The following SENP7 variants were observed in gnomAD, a reference collection of about 807,000 sequenced individuals.
SENP7 encodes sentrin-specific protease 7.
Under a neutral mutation model 141.2 loss-of-function variants are expected in SENP7, and 64 were observed. The ratio of observed to expected loss-of-function variants is 0.45; its 90% CI spans 0.37 to 0.56. The LOEUF (loss-of-function observed/expected upper bound fraction) is 0.56. Among genes scored for constraint, SENP7 ranks in the 20% least tolerant of loss-of-function variants. The pLI, the probability that SENP7 is intolerant of heterozygous loss-of-function variation, is 0.00. For missense variants in SENP7, 1,025 were observed against 1,212.2 expected (o/e 0.85, Z 2.29); for synonymous variants, 382 against 426.4 (o/e 0.90, Z 1.28).
At chr3:101,363,746 C>G (rs1208806208) in intron 10 of SENP7, among the ~76,000 whole-genome samples, 1 of 152,128 alleles carries the variant, frequency 6.6e-6, no homozygotes, top group Admixed American at 6.6e-5. Flanking sequence ...AAAGAAAATA[C>G]CCATGAAACA....
intron 3 of SENP7, among the ~76,000 whole-genome samples, chr3:101,467,378 C>T (rs1027395375): frequency 3.9e-5 from 6 of 152,272 alleles, no homozygotes; most frequent in African/African-American, 1.4e-4. Flanking sequence ...AGACTGCCTC[C>T]TCAAGTGGGT....
At chr3:101,481,940 T>C (rs1460793775) in intron 3 of SENP7, among the ~76,000 whole-genome samples, 5 of 152,108 alleles carry the variant, frequency 3.3e-5, no homozygotes, top group East Asian at 1.9e-4. Context: ...CAAAAGTCAA[T>C]CACCTTCCTA....
intron 12 of SENP7, among the ~76,000 whole-genome samples, chr3:101,350,059 G>A (rs561031705): frequency 1.3e-5 from 2 of 152,064 alleles, no homozygotes; most frequent in African/African-American, 2.4e-5. Context: ...CTCTGTTTAC[G>A]GTTTCCCCTT....
At chr3:101,408,946 A>T (rs1240565627) in intron 5 of SENP7, among the ~76,000 whole-genome samples, 1 of 152,160 alleles carries the variant, frequency 6.6e-6, no homozygotes, top group Non-Finnish European at 1.5e-5. Flanking sequence ...ATCACACAAG[A>T]GAAAAAATAA....
chr3:101,340,307 T>C, intron 15 of SENP7, 96 bp from the exon 16 acceptor site: 1 of 1,397,966 alleles, frequency 7.2e-7, no homozygotes, highest in Non-Finnish European at 9.5e-7. Flanking sequence ...AGTGGTATTC[T>C]GTAACTCAAA....
rs189416332 is a variant in SENP7 at position 101,428,897 on chromosome 3, T to C, written c.285-11107A>G. Among the ~76,000 whole-genome samples the C allele has an allele frequency of 8.5e-5, 13 of 152,264 alleles. No individual in the cohort carries two copies. The East Asian group carries it at 2.5e-3, about 29-fold the overall frequency. On this transcript the variant is annotated intron_variant, in intron 4 of 23. Coordinates refer to ENST00000394095, the MANE Select transcript of SENP7 (RefSeq NM_020654.5). ...AGGTCTAAGGAAGGAGTCATTTCAG[T>C]TTCCTGCATATGGCTAGCCAGTTTA...
At chr3:101,352,053 T>C (rs1282101678) in intron 11 of SENP7, among the ~76,000 whole-genome samples, 1 of 151,918 alleles carries the variant, frequency 6.6e-6, no homozygotes, top group East Asian at 1.9e-4. Context: ...TGACGATGAT[T>C]CCCTTGGTGA....
rs140007331 is a variant in SENP7 at position 101,506,430 on chromosome 3, T to A, written c.41-5311A>T. ...TGAAATCAATAATGTATAATCTCCA[T>A]CTTATAGATTAAGAAATTAAGATTT... On this transcript the variant is annotated intron_variant, in intron 1 of 23. Transcript: ENST00000394095. 3.5e-3 allele frequency among the ~76,000 whole-genome samples: 526 copies of A among 152,354 alleles called. 3 individuals carry two copies. Among genetic ancestry groups the A allele is most frequent in the Middle Eastern group, 0.017 (5 of 294 alleles).
At chr3:101,485,153 C>A (rs1034099992) in intron 3 of SENP7, among the ~76,000 whole-genome samples, 1 of 152,074 alleles carries the variant, frequency 6.6e-6, no homozygotes, top group Non-Finnish European at 1.5e-5. Context: ...CCACCTCCAC[C>A]TGATGGTCCT....
At chr3:101,440,581 T>TA (rs58673443) in intron 4 of SENP7, among the ~76,000 whole-genome samples, 12,533 of 124,822 alleles carry the variant, frequency 0.1, 1,100 homozygotes, top group African/African-American at 0.25. Flanking sequence ...AAAAATAAAT[T>TA]AAAAAAAAAA....
At chr3:101,473,909 A>G (rs1004748390) in intron 3 of SENP7, among the ~76,000 whole-genome samples, 1 of 152,182 alleles carries the variant, frequency 6.6e-6, no homozygotes, top group Non-Finnish European at 1.5e-5. Context: ...TAATTTTTGT[A>G]TATGGGCTAA....
chr3:101,501,991 CAT>C (rs1377651199), intron 1 of SENP7, among the ~76,000 whole-genome samples: 46 of 152,104 alleles, frequency 3.0e-4, no homozygotes, highest in African/African-American at 1.1e-3. Flanking sequence ...TGAAATGAAT[CAT>C]AGATTGAAAT....
At chr3:101,421,527 T>C (rs2061791027) in intron 4 of SENP7, among the ~76,000 whole-genome samples, 1 of 152,216 alleles carries the variant, frequency 6.6e-6, no homozygotes, top group East Asian at 1.9e-4. Context: ...TATGAGACTA[T>C]TCAATGTTGG....
Position 101,337,495 on chromosome 3 carries a change from G to T in SENP7, c.2480+14C>A. ...TTTCTCTTAAAACTTAAGTACATTA[G>T]AGGATTAACTTACGAAAGATTTGGA... On this transcript the variant is annotated intron_variant, in intron 17 of 23. Coordinates refer to ENST00000394095, the MANE Select transcript of SENP7 (RefSeq NM_020654.5). The T allele has an allele frequency of 6.7e-7, 1 of 1,489,074 alleles. No individual in the cohort carries two copies. Among genetic ancestry groups the T allele is most frequent in the South Asian group, 1.2e-5 (1 of 83,340 alleles). The allele number at this position is 1,489,074 out of a possible 1,614,324, so 92.2% of individuals were successfully genotyped here.
chr3:101,408,862 G>A (rs1480907069), intron 5 of SENP7, among the ~76,000 whole-genome samples: 2 of 152,068 alleles, frequency 1.3e-5, no homozygotes, highest in Non-Finnish European at 2.9e-5. Context: ...TTCCCTCTGA[G>A]AACTGGAACA....
intron 3 of SENP7, among the ~76,000 whole-genome samples, chr3:101,467,104 A>T (rs2063786645): frequency 6.6e-6 from 1 of 152,204 alleles, no homozygotes; most frequent in Non-Finnish European, 1.5e-5. Flanking sequence ...CTGAGATCAA[A>T]CTGCAAGACG....
intron 3 of SENP7, among the ~76,000 whole-genome samples, chr3:101,463,380 T>TACATATATATATATATAC: frequency 1.4e-5 from 1 of 72,128 alleles, no homozygotes; most frequent in South Asian, 4.6e-4. Flanking sequence ...TATATATATA[T>TACATATATATATATATAC]ATATATATAT....
At chr3:101,418,410 T>G (rs181442312) in intron 4 of SENP7, among the ~76,000 whole-genome samples, 10 of 152,290 alleles carry the variant, frequency 6.6e-5, no homozygotes, top group Admixed American at 6.5e-4. Flanking sequence ...AATACATCTT[T>G]ATGCTGAATA....
intron 3 of SENP7, among the ~76,000 whole-genome samples, chr3:101,460,837 C>G (rs1244575607): frequency 1.3e-5 from 2 of 152,030 alleles, no homozygotes; most frequent in Non-Finnish European, 2.9e-5. Context: ...TGGCTCACAC[C>G]TGTAATCCCA....
Sources: allele counts gnomAD v4.1 joint callset (sites outside exome capture counted in the v4.1 genomes callset), GRCh38; gene constraint gnomAD v4.1.1; transcripts MANE v1.5; gene names NCBI Gene and HGNC (gene_info 2026-07-23, HGNC 2026-07-21).